KLHDC4: variants seen among roughly 807,000 people sequenced by gnomAD.
KLHDC4 encodes the protein kelch domain containing 4.
In KLHDC4, 90 loss-of-function variants were observed where a neutral mutation model predicts 62.4. That is an observed-to-expected ratio of 1.44 (90% CI 1.22 to 1.72). The LOEUF (loss-of-function observed/expected upper bound fraction) is 1.72. Ranked by LOEUF, KLHDC4 falls within the 40% of genes most tolerant of loss-of-function variation. The pLI, the probability that KLHDC4 is intolerant of heterozygous loss-of-function variation, is 0.00. For synonymous variants in KLHDC4, 386 were observed against 284.4 expected, an observed-to-expected ratio of 1.36 and a Z score of -3.59; for missense variants, 1,025 against 699.7, an observed-to-expected ratio of 1.47 and a Z score of -5.25.
chr16:87,755,566 TTTTTTG>T (rs1236308823), intron 3 of KLHDC4: 2 of 264,672 alleles, frequency 7.6e-6, no homozygotes, highest in South Asian at 4.6e-5. Flanking sequence ...CCAGCCTAGT[TTTTTTG>T]TTTTTGTTTT....
chr16:87,716,379 C>A (rs1336303482), intron 7 of KLHDC4, among the ~76,000 whole-genome samples: 2 of 152,098 alleles, frequency 1.3e-5, no homozygotes, highest in Non-Finnish European at 2.9e-5. Flanking sequence ...GATACTGACG[C>A]AGAGTTCGGC....
At chr16:87,747,529 G>C (rs1168075277) in intron 5 of KLHDC4, 1 of 152,188 alleles carries the variant, frequency 6.6e-6, no homozygotes, top group East Asian at 1.9e-4. Flanking sequence ...CATGAGAAAA[G>C]GGACGGAAAA....
chr16:87,755,315 C>CA lies in KLHDC4; in HGVS notation c.271-24dup, dbSNP rs771452505. On this transcript the variant is annotated intron_variant, in intron 3 of 11. Transcript: ENST00000270583. ...AGTCTACAGGAAGGAAGAAGAATGT[C>CA]AGTGTCACAAATGATACGCTTCCAA... The CA allele has an allele frequency of 2.3e-6, 3 of 1,295,756 alleles. No homozygotes were observed. In the South Asian group the frequency reaches 3.6e-5, roughly 15 times the overall value. The allele number at this position is 1,295,756 out of a possible 1,614,324, so 80.3% of individuals were successfully genotyped here.
intron 5 of KLHDC4, among the ~76,000 whole-genome samples, chr16:87,731,975 A>C (rs2040452782): frequency 6.6e-6 from 1 of 152,196 alleles, no homozygotes; most frequent in Non-Finnish European, 1.5e-5. Context: ...TAAAGGTGAG[A>C]TCCGTCTTCG....
intron 8 of KLHDC4, among the ~76,000 whole-genome samples, chr16:87,712,867 C>T (rs1480322191): frequency 6.6e-6 from 1 of 152,220 alleles, no homozygotes. Context: ...TCTCCTGGGT[C>T]TAGCCCAGCC....
chr16:87,751,255 C>T (rs2043880869), intron 4 of KLHDC4, among the ~76,000 whole-genome samples: 1 of 152,184 alleles, frequency 6.6e-6, no homozygotes, highest in South Asian at 2.1e-4. Context: ...GGAGGTAGAT[C>T]ATGAGGTCAG....
rs1173625123 is a variant in KLHDC4, at chr16:87,752,089, CAAAAAAAAAAAAA to C, written c.369+3092_369+3104del. Among the ~76,000 whole-genome samples, 172 of 29,472 alleles carry C rather than the reference CAAAAAAAAAAAAA, an allele frequency of 5.8e-3. 2 individuals are homozygous for C. Among genetic ancestry groups the C allele is most frequent in the Middle Eastern group, 0.071 (1 of 14 alleles). 19.3% of individuals were successfully genotyped at this position (29,472 alleles called of 152,430 possible). ...TGGGCAACAGAGTGAGACTTTGTCTCAAAAAAAAAAAAAAAAAAAAAAAAAGAAGCCAAATGGC... is the reference window on the plus strand; with the variant it reads ...TGGGCAACAGAGTGAGACTTTGTCTCAAAAAAAAAAAAGAAGCCAAATGGC... On this transcript the variant is annotated intron_variant, in intron 4 of 11. Coordinates refer to ENST00000270583, the MANE Select transcript of KLHDC4 (RefSeq NM_017566.4).
At chr16:87,718,362 C>A (rs2037486213) in intron 7 of KLHDC4, among the ~76,000 whole-genome samples, 1 of 110,312 alleles carries the variant, frequency 9.1e-6, no homozygotes, top group Non-Finnish European at 1.9e-5. Flanking sequence ...CCCTCCCTCT[C>A]CCTCCACAGT....
chr16:87,726,013 G>A (rs2039306748), intron 7 of KLHDC4, among the ~76,000 whole-genome samples: 2 of 152,062 alleles, frequency 1.3e-5, no homozygotes, highest in Admixed American at 1.3e-4. Flanking sequence ...ACAGAACAGG[G>A]CCCTAACACG....
At chr16:87,741,016 G>C (rs557483445) in intron 5 of KLHDC4, 1 of 152,126 alleles carries the variant, frequency 6.6e-6, no homozygotes, top group Non-Finnish European at 1.5e-5. Context: ...GCTCCCGCAC[G>C]TGAGTTTTGG....
intron 6 of KLHDC4, 82 bp downstream of exon 6, chr16:87,730,470 G>C (rs1000434207): frequency 2.6e-6 from 3 of 1,162,732 alleles, no homozygotes; most frequent in Non-Finnish European, 3.7e-6. Flanking sequence ...CGTCTTTCTT[G>C]TGTATTCAGA....
At chr16:87,721,405 C>T (rs1268410015) in intron 7 of KLHDC4, among the ~76,000 whole-genome samples, 4 of 134,296 alleles carry the variant, frequency 3.0e-5, no homozygotes, top group Admixed American at 1.6e-4. Flanking sequence ...TAGAGCGAGA[C>T]TCTGTCTCTA....
At chr16:87,723,415 C>T (rs923160335) in intron 7 of KLHDC4, among the ~76,000 whole-genome samples, 2 of 152,256 alleles carry the variant, frequency 1.3e-5, no homozygotes, top group African/African-American at 4.8e-5. Context: ...TGACACGCGA[C>T]TCTGATGAAA....
Position 87,711,253 on chromosome 16 carries a change from C to T in KLHDC4, c.1026G>A (p.Trp342Ter). The T allele has an allele frequency of 6.2e-7, 1 of 1,614,142 alleles. No individual in the cohort carries two copies. Among genetic ancestry groups the T allele is most frequent in the Non-Finnish European group, 8.5e-7 (1 of 1,180,036 alleles). The change falls in exon 9 of 12, where the codon TGG becomes TGA. Residue 342 changes from tryptophan (W) to a stop codon, truncating the protein, a stop_gained. Coordinates refer to ENST00000270583, the MANE Select transcript of KLHDC4 (RefSeq NM_017566.4). LOFTEE classifies it high-confidence loss of function. ...GCACTACCTTCAGCTGTCCCTCAAA[C>T]CAACGGTTCCTGGTGGCGTCGTAGA... ...LYFYDATRNR[W>*]FEGQLKGPKS...
intron 5 of KLHDC4, among the ~76,000 whole-genome samples, chr16:87,743,465 C>T (rs868672479): frequency 6.6e-6 from 1 of 152,092 alleles, no homozygotes; most frequent in African/African-American, 2.4e-5. Context: ...CCTGGCCAGG[C>T]GCCGTGGCTC....
At chr16:87,733,264 T>C (rs1451535730) in intron 5 of KLHDC4, among the ~76,000 whole-genome samples, 1 of 152,228 alleles carries the variant, frequency 6.6e-6, no homozygotes, top group Non-Finnish European at 1.5e-5. Flanking sequence ...CTCCCAGCAG[T>C]CCTCCAGTGA....
At position 87,765,986 on chromosome 16, in the gene KLHDC4, C is replaced by T; in HGVS notation, c.-96G>A. On this transcript the variant is annotated 5_prime_UTR_variant, in exon 1 of 12. It adds an upstream start codon to the 5' untranslated region. Coordinates refer to ENST00000270583, the MANE Select transcript of KLHDC4 (RefSeq NM_017566.4). ...TGCTCGTGGGGCGGAGCTCGGCGCA[C>T]AGAAATGGAGTCACTTCCGGCCCCG... 1 of 1,275,142 alleles carries T rather than the reference C, an allele frequency of 7.8e-7. No homozygotes were observed. Among genetic ancestry groups the T allele is most frequent in the East Asian group, 2.5e-5 (1 of 39,460 alleles). The allele number at this position is 1,275,142 out of a possible 1,614,324, so 79.0% of individuals were successfully genotyped here.
intron 5 of KLHDC4, among the ~76,000 whole-genome samples, chr16:87,738,443 T>A (rs1490605562): frequency 6.6e-6 from 1 of 152,106 alleles, no homozygotes; most frequent in Non-Finnish European, 1.5e-5. Flanking sequence ...CATACAAAGA[T>A]GTATGCACTG....
intron 7 of KLHDC4, among the ~76,000 whole-genome samples, chr16:87,720,845 A>G (rs374245177): frequency 1.3e-5 from 2 of 152,342 alleles, no homozygotes; most frequent in African/African-American, 4.8e-5. Context: ...CTTTGGGGAC[A>G]CTGCTGTCGC....
Sources: allele counts gnomAD v4.1 joint callset (sites outside exome capture counted in the v4.1 genomes callset), GRCh38; gene constraint gnomAD v4.1.1; transcripts MANE v1.5; gene names NCBI Gene and HGNC (gene_info 2026-07-23, HGNC 2026-07-21).